The following DPP6 variants were observed in gnomAD, a reference collection of about 807,000 sequenced individuals.
DPP6 encodes A-type potassium channel modulatory protein DPP6.
Under a neutral mutation model 122.6 loss-of-function variants are expected in DPP6, and 69 were observed. That is an observed-to-expected ratio of 0.56 (90% CI 0.46 to 0.69). The LOEUF is 0.69. Ranked by LOEUF, DPP6 falls within the 30% of genes least tolerant of loss-of-function variation. DPP6 has a pLI of 0.00. For missense variants in DPP6, 928 were observed against 1,116.9 expected, an observed-to-expected ratio of 0.83 and a Z score of 2.41; for synonymous variants, 418 against 433.1, an observed-to-expected ratio of 0.97 and a Z score of 0.43.
At chr7:153,806,019 T>C in the DPP6 span, among the ~76,000 whole-genome samples, 2 of 151,782 alleles carry the variant, frequency 1.3e-5, no homozygotes, top group African/African-American at 4.9e-5. Flanking sequence ...AATACATATA[T>C]ATATAAATAC....
At chr7:153,903,271 G>A (rs1799714813) in intron 1 of DPP6, among the ~76,000 whole-genome samples, 1 of 152,222 alleles carries the variant, frequency 6.6e-6, no homozygotes, top group African/African-American at 2.4e-5. Context: ...CTAAGGAGCA[G>A]CCATAGGGGT....
At chr7:154,060,339 A>AC (rs1315392601) in intron 1 of DPP6, among the ~76,000 whole-genome samples, 15 of 100,336 alleles carry the variant, frequency 1.5e-4, no homozygotes, top group African/African-American at 3.7e-4. Context: ...AGGGGGAGGC[A>AC]CCCCCCGCGA....
intron 8 of DPP6, among the ~76,000 whole-genome samples, chr7:154,736,875 A>G (rs193256993): frequency 7.2e-5 from 11 of 152,362 alleles, no homozygotes; most frequent in African/African-American, 1.2e-4. Context: ...TTGTTTCTCC[A>G]TGATCACTCT....
intron 1 of DPP6, among the ~76,000 whole-genome samples, chr7:154,011,268 CT>C: frequency 6.6e-6 from 1 of 152,330 alleles, no homozygotes; most frequent in African/African-American, 2.4e-5. Flanking sequence ...GACTGTCCTA[CT>C]TTCTAGCAAT....
At position 154,473,050 on chromosome 7, in the gene DPP6, C is replaced by G. The variant is rs1822424768; in HGVS notation, c.359-1889C>G. Among the ~76,000 whole-genome samples the G allele has an allele frequency of 2.0e-5, 3 of 152,078 alleles. No homozygotes were observed. The East Asian group carries it at 5.8e-4, about 29-fold the overall frequency. On this transcript the variant is annotated intron_variant, in intron 2 of 25. Transcript: ENST00000377770. Reference sequence around the variant, plus strand: ...TTTTTCTTATGAGGCACATAGATACCTTAAGTTGCATGGCTAGAATCATTC... The same window carrying G: ...TTTTTCTTATGAGGCACATAGATACGTTAAGTTGCATGGCTAGAATCATTC...
intron 16 of DPP6, among the ~76,000 whole-genome samples, chr7:154,849,521 A>G (rs1188584768): frequency 3.9e-5 from 6 of 152,208 alleles, no homozygotes; most frequent in African/African-American, 1.4e-4. Flanking sequence ...TGCATTGTGT[A>G]ACCTGCAGCT....
chr7:154,045,200 A>AT (rs201948899), intron 1 of DPP6, among the ~76,000 whole-genome samples: 15,553 of 46,946 alleles, frequency 0.33, 889 homozygotes, highest in South Asian at 0.45. Flanking sequence ...CTTAGAAAAG[A>AT]TAAAAAAAAA....
chr7:154,334,855 C>G (rs892281599), intron 1 of DPP6, among the ~76,000 whole-genome samples: 22 of 152,084 alleles, frequency 1.4e-4, no homozygotes, highest in African/African-American at 5.3e-4. Flanking sequence ...AAGATTGTAC[C>G]ACTGCACTCA....
At chr7:154,006,992 T>C (rs1202384657) in intron 1 of DPP6, among the ~76,000 whole-genome samples, 8 of 152,326 alleles carry the variant, frequency 5.3e-5, no homozygotes, top group South Asian at 4.1e-4. Flanking sequence ...ATTCAGCTCT[T>C]CCCAAACTAC....
In DPP6 at chr7:154,403,055, T is replaced by C. The variant is rs915413239; in HGVS notation, c.244-43159T>C. Among the ~76,000 whole-genome samples the C allele has an allele frequency of 6.6e-6, 1 of 152,072 alleles. No homozygotes were observed. The highest frequency in any genetic ancestry group is 6.5e-5 in the Admixed American group (1 of 15,282). ...AGATGCTAATAGCTAATTATCAGAG[T>C]TATTTATATGACTGTGTCAGGTACC... is the stretch of plus-strand genomic sequence containing the variant. On this transcript the variant is annotated intron_variant, in intron 1 of 25. Transcript: ENST00000377770. The surrounding 1 kb of genome is among the most constrained non-coding windows in gnomAD (Gnocchi z 4.1).
chr7:154,269,095 T>C (rs1486877431), intron 1 of DPP6, among the ~76,000 whole-genome samples: 1 of 151,424 alleles, frequency 6.6e-6, no homozygotes, highest in Non-Finnish European at 1.5e-5. Flanking sequence ...CTGTCATTTT[T>C]AAGCCCCTGT....
intron 6 of DPP6, among the ~76,000 whole-genome samples, chr7:154,649,126 A>T (rs1836703835): frequency 6.6e-6 from 1 of 152,102 alleles, no homozygotes; most frequent in South Asian, 2.1e-4. Flanking sequence ...TGTCATGTTG[A>T]GGGGGTTGTA....
intron 7 of DPP6, among the ~76,000 whole-genome samples, chr7:154,677,536 C>T (rs1214844349): frequency 6.6e-6 from 1 of 152,238 alleles, no homozygotes; most frequent in East Asian, 1.9e-4. Context: ...GGAGGAAGAG[C>T]TTGCGCTTGA....
chr7:153,971,112 A>T (rs923637367), intron 1 of DPP6, among the ~76,000 whole-genome samples: 2 of 152,048 alleles, frequency 1.3e-5, no homozygotes, highest in Non-Finnish European at 2.9e-5. Context: ...TTGCGTGTAG[A>T]TCTCTTTATT....
chr7:154,139,806 T>A (rs3115129), intron 1 of DPP6, among the ~76,000 whole-genome samples: 1 of 152,200 alleles, frequency 6.6e-6, no homozygotes, highest in Non-Finnish European at 1.5e-5. Flanking sequence ...GCTGGAGCAC[T>A]ACAACTAAGA....
chr7:154,807,220 C>T (rs1008273685), intron 16 of DPP6, 108 bp downstream of exon 16: 11 of 1,460,480 alleles, frequency 7.5e-6, no homozygotes, highest in Non-Finnish European at 1.0e-5. Flanking sequence ...GGGAGCACAG[C>T]GTATTCCAGA....
At chr7:153,955,929 G>C (rs1009426204) in intron 1 of DPP6, among the ~76,000 whole-genome samples, 1 of 152,192 alleles carries the variant, frequency 6.6e-6, no homozygotes, top group East Asian at 1.9e-4. Context: ...GGAGGAAGTA[G>C]TGATTGTGTG....
At chr7:154,579,619 GTTA>G (rs1563885567) in intron 5 of DPP6, among the ~76,000 whole-genome samples, 2 of 152,208 alleles carry the variant, frequency 1.3e-5, no homozygotes, top group Non-Finnish European at 2.9e-5. Context: ...TGCACCTTGA[GTTA>G]GGGTTAGAGT....
intron 1 of DPP6, among the ~76,000 whole-genome samples, chr7:154,098,778 C>T (rs2533613): frequency 6.6e-6 from 1 of 152,078 alleles, no homozygotes; most frequent in Admixed American, 6.5e-5. Context: ...ATGATCGCTA[C>T]TGCATTTGGC....
Sources: allele counts gnomAD v4.1 joint callset (sites outside exome capture counted in the v4.1 genomes callset), GRCh38; gene constraint gnomAD v4.1.1; non-coding constraint Gnocchi (gnomAD v3.1); transcripts MANE v1.5; gene names NCBI Gene and HGNC (gene_info 2026-07-23, HGNC 2026-07-21).